The following NCAM2 variants were observed in gnomAD, a reference collection of about 807,000 sequenced individuals.
The protein encoded by NCAM2 is N-CAM-2.
NCAM2 carries 30 observed loss-of-function variants against 98.1 expected under a neutral mutation model. That is an observed-to-expected ratio of 0.31 (90% CI 0.23 to 0.41). The LOEUF (loss-of-function observed/expected upper bound fraction) is 0.41, where lower values mean the gene tolerates loss of function less well. Ranked by LOEUF, NCAM2 falls within the 10% of genes least tolerant of loss-of-function variation. The probability of loss-of-function intolerance (pLI) is 1.00; values close to 1 mark genes in which losing one functional copy is unlikely to be tolerated. For missense variants in NCAM2, 867 were observed against 1,005.8 expected (o/e 0.86, Z 1.87); for synonymous variants, 368 against 342.4 (o/e 1.07, Z -0.83).
chr21:21,224,284 A>T (rs955851210), intron 1 of NCAM2, among the ~76,000 whole-genome samples: 13 of 152,184 alleles, frequency 8.5e-5, no homozygotes, highest in African/African-American at 3.1e-4. Context: ...AGAGTTAGCG[A>T]ATGGCCCTCC....
intron 1 of NCAM2, among the ~76,000 whole-genome samples, chr21:21,036,157 C>T (rs1416062055): frequency 6.6e-6 from 1 of 152,084 alleles, no homozygotes; most frequent in Non-Finnish European, 1.5e-5. Context: ...TCAAATATGT[C>T]ATGGATTTAA....
chr21:21,288,467 A>G lies in NCAM2; in HGVS notation c.481+2055A>G, dbSNP rs183086889. Among the ~76,000 whole-genome samples the G allele has an allele frequency of 3.2e-3, 485 of 151,854 alleles. 11 individuals are homozygous for G. Among genetic ancestry groups the G allele is most frequent in the Admixed American group, 0.026 (400 of 15,196 alleles). ...AAAATCCAATGTAGAAGAAATGGGT[A>G]TAGTTTAACGTGAAACATAACACTA... On this transcript the variant is annotated intron_variant, in intron 4 of 17. Transcript: ENST00000400546.
chr21:21,444,283 C>A (rs755248026), intron 12 of NCAM2, among the ~76,000 whole-genome samples: 4 of 152,136 alleles, frequency 2.6e-5, no homozygotes, highest in East Asian at 1.9e-4. Flanking sequence ...GGGATATTGG[C>A]GTGAAGCTTT....
intron 15 of NCAM2, among the ~76,000 whole-genome samples, chr21:21,508,599 A>G (rs902451833): frequency 6.6e-6 from 1 of 151,930 alleles, no homozygotes; most frequent in African/African-American, 2.4e-5. Flanking sequence ...ATAAAAAAAA[A>G]AGAAGTTTGA....
intron 11 of NCAM2, among the ~76,000 whole-genome samples, chr21:21,422,609 T>TG (rs966040058): frequency 2.0e-5 from 3 of 152,066 alleles, no homozygotes; most frequent in East Asian, 1.9e-4. Context: ...TTTAGAACAT[T>TG]GGGGGGAAAA....
rs562851999 is a variant in NCAM2, at chr21:21,321,526, A to G, written c.620-2857A>G. On this transcript the variant is annotated intron_variant, in intron 5 of 17. Coordinates refer to ENST00000400546, the MANE Select transcript of NCAM2 (RefSeq NM_004540.5). ...GAAGTGTATGTCCTAAGTTTTTTTT[A>G]TATATACTTTTTTATAGTTTGAGGC... is the stretch of plus-strand genomic sequence containing the variant. 3.3e-5 allele frequency among the ~76,000 whole-genome samples: 5 copies of G among 152,112 alleles called. No individual in the cohort carries two copies. The South Asian group carries it at 6.2e-4, about 19-fold the overall frequency.
At chr21:21,213,326 A>G (rs1414985944) in intron 1 of NCAM2, among the ~76,000 whole-genome samples, 1 of 152,178 alleles carries the variant, frequency 6.6e-6, no homozygotes, top group African/African-American at 2.4e-5. Flanking sequence ...ACTAAAGGTT[A>G]AGCTAGAGTT....
At chr21:21,505,562 G>T (rs1035693022) in intron 15 of NCAM2, among the ~76,000 whole-genome samples, 1 of 151,836 alleles carries the variant, frequency 6.6e-6, no homozygotes, top group Admixed American at 6.6e-5. Context: ...TGAAATACTT[G>T]TCATTTAAAA....
chr21:21,508,128 C>T (rs1213245361), intron 15 of NCAM2, among the ~76,000 whole-genome samples: 1 of 152,080 alleles, frequency 6.6e-6, no homozygotes. Flanking sequence ...TTTCCTGCAA[C>T]CATATGCCAA....
chr21:21,131,768 A>G (rs1371656618), intron 1 of NCAM2, among the ~76,000 whole-genome samples: 2 of 152,196 alleles, frequency 1.3e-5, no homozygotes, highest in Non-Finnish European at 2.9e-5. Context: ...TTTTATGCAT[A>G]TATTTTATTC....
intron 1 of NCAM2, among the ~76,000 whole-genome samples, chr21:21,219,081 C>A (rs143456732): frequency 1.8e-3 from 276 of 152,324 alleles, no homozygotes; most frequent in African/African-American, 6.6e-3. Context: ...GGCCCACAGG[C>A]CACATGCAGC....
At chr21:21,365,238 C>CGT (rs66559489) in intron 8 of NCAM2, among the ~76,000 whole-genome samples, 1,922 of 146,982 alleles carry the variant, frequency 0.013, 25 homozygotes, top group African/African-American at 0.033. Context: ...TTGCTTAGTG[C>CGT]GTGTGTGTGT....
At chr21:21,422,505 T>A (rs2077131001) in intron 11 of NCAM2, among the ~76,000 whole-genome samples, 1 of 152,162 alleles carries the variant, frequency 6.6e-6, no homozygotes, top group Admixed American at 6.6e-5. Flanking sequence ...TTGGTTTAAG[T>A]CAGTTAACCC....
intron 2 of NCAM2, among the ~76,000 whole-genome samples, chr21:21,281,625 G>T (rs893889754): frequency 2.0e-5 from 3 of 151,712 alleles, no homozygotes; most frequent in African/African-American, 7.3e-5. Context: ...TATTTATTTA[G>T]GTACAATATA....
chr21:21,082,283 A>AAC lies in NCAM2; in HGVS notation c.55+83666_55+83667insCA, dbSNP rs1555882240. Among the ~76,000 whole-genome samples the AAC allele has an allele frequency of 7.8e-3, 1,032 of 133,148 alleles. 15 individuals are homozygous for AAC. Among genetic ancestry groups the AAC allele is most frequent in the African/African-American group, 0.036 (936 of 26,306 alleles). The allele number at this position is 133,148 out of a possible 152,430, so 87.4% of individuals were successfully genotyped here. ...TTTGTACCTATCAGAGCTCAAAACA[A>AAC]AAAAAAAAAAACAAAACAAAAACAC... On this transcript the variant is annotated intron_variant, in intron 1 of 17. Coordinates refer to ENST00000400546, the MANE Select transcript of NCAM2 (RefSeq NM_004540.5).
chr21:21,011,317 T>C (rs977090240), intron 1 of NCAM2, among the ~76,000 whole-genome samples: 1 of 152,102 alleles, frequency 6.6e-6, no homozygotes, highest in African/African-American at 2.4e-5. Flanking sequence ...TATCTGATTC[T>C]AAAATGATGC....
intron 6 of NCAM2, among the ~76,000 whole-genome samples, chr21:21,324,757 G>T (rs1164096687): frequency 6.6e-6 from 1 of 151,994 alleles, no homozygotes; most frequent in Non-Finnish European, 1.5e-5. Flanking sequence ...CAGACTTTTG[G>T]AAAAATGGGA....
chr21:21,013,871 A>G (rs2064256717), intron 1 of NCAM2, among the ~76,000 whole-genome samples: 1 of 152,222 alleles, frequency 6.6e-6, no homozygotes, highest in African/African-American at 2.4e-5. Flanking sequence ...AAGGTGAAGC[A>G]GCAGATGCTG....
chr21:21,416,745 T>C (rs1337248627), intron 10 of NCAM2, among the ~76,000 whole-genome samples: 1 of 152,182 alleles, frequency 6.6e-6, no homozygotes, highest in Non-Finnish European at 1.5e-5. Context: ...TATTATCTTA[T>C]ATTTTCATAA....
Sources: allele counts gnomAD v4.1 joint callset (sites outside exome capture counted in the v4.1 genomes callset), GRCh38; gene constraint gnomAD v4.1.1; transcripts MANE v1.5; gene names NCBI Gene and HGNC (gene_info 2026-07-23, HGNC 2026-07-21).